The following MIF4GD variants were observed in gnomAD, a reference collection of about 807,000 sequenced individuals.
MIF4GD encodes MIF4G domain containing.
MIF4GD carries 22 observed loss-of-function variants against 26.7 expected under a neutral mutation model. That is an observed-to-expected ratio of 0.82 (90% CI 0.59 to 1.18). The LOEUF is 1.18. Ranked by LOEUF, MIF4GD falls within the 50% of genes most tolerant of loss-of-function variation. The probability of loss-of-function intolerance (pLI) is 0.00; values close to 1 mark genes in which losing one functional copy is unlikely to be tolerated. For missense variants in MIF4GD, 262 were observed against 279.6 expected, an observed-to-expected ratio of 0.94 and a Z score of 0.45; for synonymous variants, 137 against 111.6, an observed-to-expected ratio of 1.23 and a Z score of -1.43.
chr17:75,266,821 C>T lies in MIF4GD; in HGVS notation c.588G>A (p.Leu196=), dbSNP rs1567819803. 3 of 1,614,120 alleles carry T rather than the reference C, an allele frequency of 1.9e-6. No individual in the cohort carries two copies. Among genetic ancestry groups the T allele is most frequent in the Non-Finnish European group, 1.7e-6 (2 of 1,179,968 alleles). The change falls in exon 6 of 6, where the codon CTG becomes CTA. Residue 196 remains leucine, a synonymous_variant. Transcript: ENST00000325102. ...CGGCCGCCCGGAACTCAATGATCTCCAGCAGCAGCAGCTGGGCCAGGGAGC... is the reference window on the plus strand; with the variant it reads ...CGGCCGCCCGGAACTCAATGATCTCTAGCAGCAGCAGCTGGGCCAGGGAGC... The part of the protein sequence containing the change: ...GLSSLAQLLL[L]EIIEFRAAGW...
rs796368431 is a variant in MIF4GD at position 75,269,737 on chromosome 17, C to CTT, written c.82+375_82+376dup. Reference sequence around the variant, plus strand: ...ACTATGCCCGGCTAATTTTTCTTTTCTTTCTTTTTTTTTTTTTTTTTGTAG... The same window carrying CTT: ...ACTATGCCCGGCTAATTTTTCTTTTCTTTTTCTTTTTTTTTTTTTTTTTGTAG... On this transcript the variant is annotated intron_variant, in intron 2 of 5. Transcript: ENST00000325102. 3.6e-3 allele frequency among the ~76,000 whole-genome samples: 374 copies of CTT among 103,716 alleles called. 17 individuals are homozygous for CTT. Among genetic ancestry groups the CTT allele is most frequent in the African/African-American group, 0.013 (343 of 26,568 alleles). 68.0% of individuals were successfully genotyped at this position (103,716 alleles called of 152,430 possible).
At position 75,267,968 on chromosome 17, in the gene MIF4GD, CCTCT is replaced by C. The variant is rs982131174; in HGVS notation, c.193-71_193-68del. 2.8e-5 allele frequency: 44 copies of C among 1,595,796 alleles called. No homozygotes were observed. In the African/African-American group the frequency reaches 3.1e-4, roughly 11 times the overall value. ...CCCCTGTAACCCCACCCATCCTATG[CCTCT>C]CTCTCTCTTTGAGCTAGACCCTGTG... On this transcript the variant is annotated intron_variant, in intron 3 of 5. Transcript: ENST00000325102.
intron 2 of MIF4GD, chr17:75,269,591 C>T (rs1471087704): frequency 6.3e-5 from 61 of 966,746 alleles, no homozygotes; most frequent in South Asian, 4.6e-4. Context: ...GACAGGGTCT[C>T]GCTCTGTAGC....
chr17:75,266,671 C>T lies in MIF4GD; in HGVS notation c.*69G>A, dbSNP rs9906887. 15,284 of 1,424,856 alleles carry T rather than the reference C, an allele frequency of 0.011. 1,195 individuals are homozygous for T. The African/African-American group carries it at 0.18, about 16-fold the overall frequency. The allele number at this position is 1,424,856 out of a possible 1,614,324, so 88.3% of individuals were successfully genotyped here. The stretch of plus-strand genomic sequence containing the variant: ...GAAAAGTCTTTGGGTGAGGCAGAGA[C>T]TCCACTGCCAGCTTTAGAGGTGGGT... On this transcript the variant is annotated 3_prime_UTR_variant, in exon 6 of 6. Transcript: ENST00000325102.
In MIF4GD at chr17:75,268,172, C is replaced by T; in HGVS notation, c.103G>A (p.Glu35Lys). The T allele has an allele frequency of 6.2e-7, 1 of 1,614,214 alleles. No individual in the cohort carries two copies. The highest frequency in any genetic ancestry group is 8.5e-7 in the Non-Finnish European group (1 of 1,180,014). Residue 35 changes from glutamate (E) to lysine (K), a missense_variant, in exon 3 of 6, where the codon GAG becomes AAG. Transcript: ENST00000325102. ...ALKDPGAVDL[E>K]KVANVIVDHS... ...TCCACAATCACATTGGCCACTTTCT[C>T]CAAGTCCACAGCACCCGGATCTAGG...
chr17:75,269,394 C>CTA (rs747077944), intron 2 of MIF4GD: 59 of 1,613,940 alleles, frequency 3.7e-5, no homozygotes, highest in Non-Finnish European at 4.7e-5. Flanking sequence ...AGAGCAATTA[C>CTA]TATAGCTCCT....
chr17:75,268,784 G>C (rs1010204605), intron 2 of MIF4GD, among the ~76,000 whole-genome samples: 9 of 151,666 alleles, frequency 5.9e-5, no homozygotes, highest in Non-Finnish European at 1.3e-4. Context: ...GATCACCTGA[G>C]GTCAGGATCA....
intron 2 of MIF4GD, among the ~76,000 whole-genome samples, chr17:75,268,721 G>A (rs920529882): frequency 6.6e-6 from 1 of 151,526 alleles, no homozygotes; most frequent in Non-Finnish European, 1.5e-5. Flanking sequence ...CAGAGGGCCT[G>A]GTGTGGTGGC....
Position 75,270,406 on chromosome 17 carries a change from G to A in MIF4GD, c.-50-161C>T. 1.8e-6 allele frequency: 1 copy of A among 569,094 alleles called. No individual in the cohort carries two copies. Among genetic ancestry groups the A allele is most frequent in the South Asian group, 1.9e-5 (1 of 51,600 alleles). The allele number at this position is 569,094 out of a possible 1,614,324, so 35.3% of individuals were successfully genotyped here. A position where few individuals can be genotyped will look rare whatever the true frequency, so the allele number is the denominator to read the frequency against. The stretch of plus-strand genomic sequence containing the variant: ...GAAGGCCCACCAGGCTTGGCTTCTG[G>A]TGGGGACTGGGCATCAGCCAGGCAC... On this transcript the variant is annotated intron_variant, in intron 1 of 5. Transcript: ENST00000325102. The surrounding 1 kb of genome is among the most constrained non-coding windows in gnomAD (Gnocchi z 5.7).
At chr17:75,267,433 GAC>G (rs750700727) in intron 5 of MIF4GD, 103 bp downstream of exon 5, 6 of 1,136,628 alleles carry the variant, frequency 5.3e-6, no homozygotes, top group Admixed American at 3.7e-5. Flanking sequence ...CCCCAGAAGT[GAC>G]ACAGTCCTCA....
In MIF4GD at chr17:75,266,963, T is replaced by C; in HGVS notation, c.446A>G (p.Asp149Gly). 1 of 1,613,256 alleles carries C rather than the reference T, an allele frequency of 6.2e-7. No homozygotes were observed. The highest frequency in any genetic ancestry group is 8.5e-7 in the Non-Finnish European group (1 of 1,179,718). Reference protein sequence around the residue: ...PDSLSKEEEVDCLVLQLHRVG... With the variant: ...PDSLSKEEEVGCLVLQLHRVG... ...CCGGTGCAGCTGCAGCACCAAACAG[T>C]CCACCTGCAGGCGACAGTGTGGGTA... Residue 149 changes from aspartate (D) to glycine (G), a missense_variant, in exon 6 of 6, where the codon GAC (aspartate) becomes GGC (glycine). Coordinates refer to ENST00000325102, the MANE Select transcript of MIF4GD (RefSeq NM_001370592.1).
At chr17:75,269,539 A>C in intron 2 of MIF4GD, 2 of 645,388 alleles carry the variant, frequency 3.1e-6, no homozygotes, top group Non-Finnish European at 4.4e-6. Flanking sequence ...TCTTTTTTTT[A>C]TGGTTAAACT....
chr17:75,268,287 C>T (rs1941630985), intron 2 of MIF4GD, 95 bp from the exon 3 acceptor site: 1 of 919,824 alleles, frequency 1.1e-6, no homozygotes, highest in Non-Finnish European at 1.8e-6. Flanking sequence ...CAGTAGAGCA[C>T]TCATATGCTT....
At chr17:75,267,275 T>C (rs1322003142) in intron 5 of MIF4GD, among the ~76,000 whole-genome samples, 2 of 152,204 alleles carry the variant, frequency 1.3e-5, no homozygotes, top group African/African-American at 4.8e-5. Flanking sequence ...CAGCTAGCCA[T>C]GGCTTGCACA....
chr17:75,269,367 C>CG (rs1567824679), intron 2 of MIF4GD: 1 of 1,613,990 alleles, frequency 6.2e-7, no homozygotes, highest in Non-Finnish European at 8.5e-7. Flanking sequence ...CGTGTTACAG[C>CG]GGGAAGGCAT....
intron 2 of MIF4GD, among the ~76,000 whole-genome samples, chr17:75,269,722 G>C (rs1454755303): frequency 7.7e-6 from 1 of 129,094 alleles, no homozygotes; most frequent in Admixed American, 8.7e-5. Context: ...ACTATGCCCG[G>C]CTAATTTTTC....
upstream of MIF4GD, chr17:75,271,292 C>G (rs1248877436): frequency 6.6e-6 from 1 of 151,722 alleles, no homozygotes; most frequent in Non-Finnish European, 1.5e-5. This position sits in a 1 kb window ranked among gnomAD's most constrained non-coding sequence, Gnocchi z 4.2. Flanking sequence ...CCTGCCGGGC[C>G]CCCGGGGCAC....
chr17:75,267,139 C>G (rs559197711), intron 5 of MIF4GD, among the ~76,000 whole-genome samples, 172 bp from the exon 6 acceptor site: 1 of 152,296 alleles, frequency 6.6e-6, no homozygotes, highest in African/African-American at 2.4e-5. Flanking sequence ...AGTTCCGGGA[C>G]TTGCCTGAGG....
At position 75,267,749 on chromosome 17, in the gene MIF4GD, C is replaced by T. The variant is rs1555597533; in HGVS notation, c.345G>A (p.Leu115=). The change falls in exon 4 of 6, where the codon CTG becomes CTA. Residue 115 remains leucine (L), a synonymous_variant. Coordinates refer to ENST00000325102, the MANE Select transcript of MIF4GD (RefSeq NM_001370592.1). Reference sequence around the variant, plus strand: ...AGGGTGGCTGCCGGGGCCTCACCCTCAGGTAGTCAAAGATGTTGCAGATAA... The same window carrying T: ...AGGGTGGCTGCCGGGGCCTCACCCTTAGGTAGTCAAAGATGTTGCAGATAA... The part of the protein sequence containing the change: ...VTFICNIFDY[L]RVNNMPMMAL... The T allele has an allele frequency of 6.2e-7, 1 of 1,613,068 alleles. No homozygotes were observed. Among genetic ancestry groups the T allele is most frequent in the Non-Finnish European group, 8.5e-7 (1 of 1,179,422 alleles).
Sources: allele counts gnomAD v4.1 joint callset (sites outside exome capture counted in the v4.1 genomes callset), GRCh38; gene constraint gnomAD v4.1.1; non-coding constraint Gnocchi (gnomAD v3.1); transcripts MANE v1.5; gene names NCBI Gene and HGNC (gene_info 2026-07-23, HGNC 2026-07-21).